The following TMEM117 variants were observed in gnomAD, a reference collection of about 807,000 sequenced individuals.
TMEM117 encodes transmembrane protein 117.
TMEM117 carries 27 observed loss-of-function variants against 52.4 expected under a neutral mutation model. The observed-to-expected ratio is 0.51, with a 90% CI of 0.38 to 0.71. TMEM117 has a LOEUF of 0.71. TMEM117 is among the 30% of genes least tolerant of loss of function. The pLI, the probability that TMEM117 is intolerant of heterozygous loss-of-function variation, is 0.00. For synonymous variants in TMEM117, 215 were observed against 206.3 expected (o/e 1.04, Z -0.36); for missense variants, 556 against 630.5 (o/e 0.88, Z 1.26).
At chr12:44,289,550 C>G (rs1460720139) in intron 5 of TMEM117, among the ~76,000 whole-genome samples, 1 of 121,964 alleles carries the variant, frequency 8.2e-6, no homozygotes, top group Non-Finnish European at 1.7e-5. Flanking sequence ...TTTCTTTTCT[C>G]TTTTTTTTTT....
the TMEM117 span, among the ~76,000 whole-genome samples, chr12:43,827,859 A>G: frequency 1.3e-5 from 2 of 152,192 alleles, no homozygotes; most frequent in Non-Finnish European, 2.9e-5. Context: ...AGTGAGCCCT[A>G]AACCCAACAA....
rs1195279331 is a variant in TMEM117 at position 44,031,625 on chromosome 12, T to G, written c.410+87283T>G. Among the ~76,000 whole-genome samples, 3 of 152,364 alleles carry G rather than the reference T, an allele frequency of 2.0e-5. No homozygotes were observed. In the East Asian group the frequency reaches 5.8e-4, roughly 29 times the overall value. On this transcript the variant is annotated intron_variant, in intron 3 of 7. Coordinates refer to ENST00000266534, the MANE Select transcript of TMEM117 (RefSeq NM_032256.3). ...GCTTAAAATGCTGCTGATACTTTGT[T>G]CTGTTTTTCAGAGTTGAGAAAACTT...
At chr12:44,339,157 C>A (rs1765762681) in intron 6 of TMEM117, among the ~76,000 whole-genome samples, 1 of 152,044 alleles carries the variant, frequency 6.6e-6, no homozygotes, top group Non-Finnish European at 1.5e-5. Flanking sequence ...AACTCTCTGA[C>A]CATGTTCTTG....
chr12:44,155,183 A>G (rs902497392), intron 4 of TMEM117, among the ~76,000 whole-genome samples: 2 of 152,160 alleles, frequency 1.3e-5, no homozygotes, highest in African/African-American at 4.8e-5. Context: ...TGATGTTGCA[A>G]AATTACAGAC....
intron 6 of TMEM117, among the ~76,000 whole-genome samples, chr12:44,329,087 C>T (rs539533452): frequency 6.6e-6 from 1 of 151,980 alleles, no homozygotes; most frequent in African/African-American, 2.4e-5. Flanking sequence ...TTGCAGATTC[C>T]TATAAAACAT....
chr12:44,328,965 T>G (rs961798464), intron 6 of TMEM117, among the ~76,000 whole-genome samples: 8 of 151,772 alleles, frequency 5.3e-5, no homozygotes, highest in Non-Finnish European at 1.2e-4. Flanking sequence ...CTCAGAACCC[T>G]AACTTCCACA....
intron 2 of TMEM117, among the ~76,000 whole-genome samples, chr12:43,883,231 GA>G (rs1943929365): frequency 1.3e-5 from 2 of 152,184 alleles, no homozygotes. Context: ...ATTTTCTCAA[GA>G]AGTGATTTTA....
Position 44,389,050 on chromosome 12 carries a change from CATGGG to C in TMEM117, c.*379_*383del. On this transcript the variant is annotated 3_prime_UTR_variant, in exon 8 of 8. Transcript: ENST00000266534. ...TGGAACAGTTACCTAACCTATTTCA[CATGGG>C]CGTTTTGTATACAACTATTTTGATC... The C allele has an allele frequency of 5.6e-6, 1 of 179,232 alleles. No individual in the cohort carries two copies. Among genetic ancestry groups the C allele is most frequent in the Admixed American group, 5.4e-5 (1 of 18,386 alleles). The allele number at this position is 179,232 out of a possible 1,614,324, so 11.1% of individuals were successfully genotyped here.
intron 3 of TMEM117, among the ~76,000 whole-genome samples, chr12:44,014,841 G>GT (rs1007190698): frequency 6.6e-5 from 10 of 151,084 alleles, no homozygotes; most frequent in East Asian, 1.9e-4. Context: ...TTGTTGTACC[G>GT]TTTTTTTTCT....
chr12:44,296,289 G>A (rs1950767831), intron 5 of TMEM117, among the ~76,000 whole-genome samples: 1 of 152,194 alleles, frequency 6.6e-6, no homozygotes, highest in Non-Finnish European at 1.5e-5. Flanking sequence ...TCCTTGGTCA[G>A]GCAGAACTGG....
chr12:44,234,305 A>G (rs957900578), intron 5 of TMEM117, among the ~76,000 whole-genome samples: 13 of 151,286 alleles, frequency 8.6e-5, no homozygotes, highest in Non-Finnish European at 1.3e-4. Flanking sequence ...GTCATATTCT[A>G]TTTCTGTCTT....
In TMEM117 at chr12:44,299,570, T is replaced by C. The variant is rs777538830; in HGVS notation, c.609-10T>C. ...CTTATGTTCTTTAATGAGTGTCTTG[T>C]TCCTTACAGGACAGTTCTTTTTACT... On this transcript the variant is annotated splice_polypyrimidine_tract_variant and intron_variant, in intron 5 of 7. Coordinates refer to ENST00000266534, the MANE Select transcript of TMEM117 (RefSeq NM_032256.3). 3.7e-6 allele frequency: 6 copies of C among 1,613,942 alleles called. No individual in the cohort carries two copies. The highest frequency in any genetic ancestry group is 2.2e-5 in the East Asian group (1 of 44,882).
chr12:44,153,426 T>C (rs1428687713), intron 4 of TMEM117, among the ~76,000 whole-genome samples: 1 of 152,058 alleles, frequency 6.6e-6, no homozygotes, highest in Non-Finnish European at 1.5e-5. Context: ...TCTGCTTACA[T>C]GTCAATTGAA....
chr12:44,320,687 T>C (rs1951118584), intron 6 of TMEM117, among the ~76,000 whole-genome samples: 1 of 152,242 alleles, frequency 6.6e-6, no homozygotes, highest in Non-Finnish European at 1.5e-5. Context: ...CATCCAACCC[T>C]CAGCTTATAT....
At chr12:44,096,875 C>A (rs11834547) in intron 3 of TMEM117, among the ~76,000 whole-genome samples, 37,650 of 146,704 alleles carry the variant, frequency 0.26, 9,087 homozygotes, top group African/African-American at 0.64. Context: ...GGATCTAATT[C>A]AACTCAAGAG....
At chr12:43,949,173 TGA>T (rs1241845842) in intron 3 of TMEM117, among the ~76,000 whole-genome samples, 2 of 152,108 alleles carry the variant, frequency 1.3e-5, no homozygotes, top group East Asian at 1.9e-4. Flanking sequence ...AGTGAGAGAC[TGA>T]GACAAGTTTC....
At chr12:43,815,733 G>C in the TMEM117 span, among the ~76,000 whole-genome samples, 3 of 152,186 alleles carry the variant, frequency 2.0e-5, no homozygotes. Context: ...AGAACTGCTG[G>C]TCATGCAGCT....
At chr12:44,083,871 T>C (rs1947524842) in intron 3 of TMEM117, among the ~76,000 whole-genome samples, 1 of 152,148 alleles carries the variant, frequency 6.6e-6, no homozygotes, top group African/African-American at 2.4e-5. Context: ...TGTTCAGTTT[T>C]TCCTCCCAGT....
intron 6 of TMEM117, among the ~76,000 whole-genome samples, chr12:44,357,052 T>G (rs1057157996): frequency 6.6e-6 from 1 of 152,160 alleles, no homozygotes; most frequent in Non-Finnish European, 1.5e-5. Context: ...CATATTGGAC[T>G]TCTCACTGTC....
Sources: allele counts gnomAD v4.1 joint callset (sites outside exome capture counted in the v4.1 genomes callset), GRCh38; gene constraint gnomAD v4.1.1; transcripts MANE v1.5; gene names NCBI Gene and HGNC (gene_info 2026-07-23, HGNC 2026-07-21).